The following CNTNAP5 variants were observed in gnomAD, a reference collection of about 807,000 sequenced individuals.
CNTNAP5 encodes the protein contactin associated protein family member 5.
CNTNAP5 carries 72 observed loss-of-function variants against 150.2 expected under a neutral mutation model. That is an observed-to-expected ratio of 0.48 (90% CI 0.40 to 0.58). The LOEUF is 0.58. CNTNAP5 is among the 20% of genes least tolerant of loss of function. The pLI is 0.00. For synonymous variants in CNTNAP5, 672 were observed against 619.8 expected (o/e 1.08, Z -1.25); for missense variants, 1,636 against 1,626.2 (o/e 1.01, Z -0.10).
At chr2:124,533,241 G>A (rs560625606) in intron 10 of CNTNAP5, among the ~76,000 whole-genome samples, 1 of 152,212 alleles carries the variant, frequency 6.6e-6, no homozygotes, top group African/African-American at 2.4e-5. Flanking sequence ...TACTTCTAGG[G>A]CCATGCATGC....
intron 10 of CNTNAP5, among the ~76,000 whole-genome samples, chr2:124,544,239 A>C (rs1695460789): frequency 6.6e-6 from 1 of 152,194 alleles, no homozygotes; most frequent in Admixed American, 6.5e-5. Context: ...ACTAAGGCTA[A>C]TGTTTCTAAA....
At chr2:124,535,692 G>A (rs1404781876) in intron 10 of CNTNAP5, among the ~76,000 whole-genome samples, 6 of 151,856 alleles carry the variant, frequency 4.0e-5, no homozygotes, top group Non-Finnish European at 7.4e-5. Context: ...CATGAGAATC[G>A]CTTGAACCCA....
chr2:124,463,742 A>G (rs1394654181), intron 6 of CNTNAP5, among the ~76,000 whole-genome samples: 1 of 152,200 alleles, frequency 6.6e-6, no homozygotes, highest in African/African-American at 2.4e-5. Context: ...GCAAATGAGG[A>G]CAAGTTGGTC....
intron 3 of CNTNAP5, among the ~76,000 whole-genome samples, chr2:124,265,772 G>C (rs1687589033): frequency 6.6e-6 from 1 of 152,046 alleles, no homozygotes; most frequent in Admixed American, 6.6e-5. Context: ...TTCTGCTCCA[G>C]CAGCTCTGGT....
intron 3 of CNTNAP5, among the ~76,000 whole-genome samples, chr2:124,284,524 C>T (rs1283188463): frequency 1.3e-5 from 2 of 151,948 alleles, no homozygotes; most frequent in Admixed American, 6.6e-5. Context: ...AATTCCTAGG[C>T]GATGGGTTGA....
chr2:124,868,561 C>A (rs573201199), intron 20 of CNTNAP5, among the ~76,000 whole-genome samples: 1 of 152,336 alleles, frequency 6.6e-6, no homozygotes, highest in East Asian at 1.9e-4. Flanking sequence ...TTGACGTCAA[C>A]CCTACACCCC....
At chr2:124,766,893 T>C (rs1247238174) in intron 16 of CNTNAP5, among the ~76,000 whole-genome samples, 1 of 152,154 alleles carries the variant, frequency 6.6e-6, no homozygotes, top group Non-Finnish European at 1.5e-5. Flanking sequence ...GTATATAATA[T>C]ATCACCAGAT....
At chr2:124,763,929 A>G (rs895788169) in intron 15 of CNTNAP5, 48 bp from the exon 16 acceptor site, 29 of 1,599,572 alleles carry the variant, frequency 1.8e-5, no homozygotes, top group African/African-American at 5.4e-5. Flanking sequence ...GCTTTCCCAT[A>G]CCCCACTGAA....
intron 3 of CNTNAP5, among the ~76,000 whole-genome samples, chr2:124,292,656 T>C (rs1688326530): frequency 6.6e-6 from 1 of 152,008 alleles, no homozygotes; most frequent in Non-Finnish European, 1.5e-5. Flanking sequence ...ATAATATTTT[T>C]ATTAAAGAAA....
chr2:124,205,591 G>A (rs1170283059), intron 1 of CNTNAP5, among the ~76,000 whole-genome samples: 3 of 151,838 alleles, frequency 2.0e-5, no homozygotes, highest in East Asian at 1.9e-4. Context: ...GCTAATTTTT[G>A]TATTTTTAGT....
At chr2:124,760,460 C>T (rs574612053) in intron 14 of CNTNAP5, among the ~76,000 whole-genome samples, 18 of 152,070 alleles carry the variant, frequency 1.2e-4, no homozygotes, top group South Asian at 2.1e-4. Flanking sequence ...AATGATACCC[C>T]GCCCCCACCA....
chr2:124,161,484 G>A (rs890396705), intron 1 of CNTNAP5, among the ~76,000 whole-genome samples: 3 of 152,124 alleles, frequency 2.0e-5, no homozygotes, highest in Non-Finnish European at 4.4e-5. Flanking sequence ...CCACATGACA[G>A]CTCCTAGAGG....
intron 13 of CNTNAP5, among the ~76,000 whole-genome samples, chr2:124,694,171 A>T (rs900400096): frequency 6.6e-6 from 1 of 152,184 alleles, no homozygotes; most frequent in Non-Finnish European, 1.5e-5. Context: ...GTTTCTTCAA[A>T]TGAATGCTTT....
At chr2:124,362,366 G>A (rs1192987077) in intron 3 of CNTNAP5, among the ~76,000 whole-genome samples, 2 of 152,210 alleles carry the variant, frequency 1.3e-5, no homozygotes, top group African/African-American at 4.8e-5. Flanking sequence ...TCATTAACAA[G>A]ATAGTCCTGA....
At chr2:124,293,758 A>G (rs1688356703) in intron 3 of CNTNAP5, among the ~76,000 whole-genome samples, 1 of 152,134 alleles carries the variant, frequency 6.6e-6, no homozygotes. Context: ...GATAATCACC[A>G]TAATCCTCTA....
At chr2:124,602,848 T>C (rs1344396236) in intron 11 of CNTNAP5, among the ~76,000 whole-genome samples, 1 of 152,162 alleles carries the variant, frequency 6.6e-6, no homozygotes, top group Non-Finnish European at 1.5e-5. Flanking sequence ...AACTACAGTA[T>C]TCATAGTGAA....
rs1169122833 is a variant in CNTNAP5 at position 124,916,239 on chromosome 2, A to T, written c.*1951A>T. ...ATGATATCTTTTGGCTAGTACATTT[A>T]TTTTAAAGTGATTTTAACCATGATA... is the stretch of plus-strand genomic sequence containing the variant. On this transcript the variant is annotated 3_prime_UTR_variant, in exon 24 of 24. Transcript: ENST00000682447. 1.3e-5 allele frequency among the ~76,000 whole-genome samples: 2 copies of T among 152,080 alleles called. No homozygotes were observed. The highest frequency in any genetic ancestry group is 2.9e-5 in the Non-Finnish European group (2 of 67,994).
rs1456386294 is a variant in CNTNAP5 at position 124,690,472 on chromosome 2, C to G, written c.2077+42514C>G. ...TCTGCAATACTTAATAGTCTTCTAT[C>G]AGATGTCCCTGTTTCCAGTTCTTTG... On this transcript the variant is annotated intron_variant, in intron 13 of 23. Coordinates refer to ENST00000682447, the MANE Select transcript of CNTNAP5 (RefSeq NM_001367498.1). Among the ~76,000 whole-genome samples the G allele has an allele frequency of 4.6e-5, 7 of 152,230 alleles. No homozygotes were observed. The South Asian group carries it at 1.5e-3, about 32-fold the overall frequency.
intron 3 of CNTNAP5, among the ~76,000 whole-genome samples, chr2:124,349,933 G>A (rs1448345236): frequency 7.9e-6 from 1 of 126,944 alleles, no homozygotes; most frequent in Non-Finnish European, 1.6e-5. Context: ...CGCCCAGGCT[G>A]GAGTGCAACG....
Sources: allele counts gnomAD v4.1 joint callset (sites outside exome capture counted in the v4.1 genomes callset), GRCh38; gene constraint gnomAD v4.1.1; transcripts MANE v1.5; gene names NCBI Gene and HGNC (gene_info 2026-07-23, HGNC 2026-07-21).